Variants in CAST observed in about 807,000 individuals in gnomAD.
The protein encoded by CAST is calpastatin.
CAST carries 76 observed loss-of-function variants against 119.6 expected under a neutral mutation model. The ratio of observed to expected loss-of-function variants is 0.64; its 90% CI spans 0.53 to 0.77. The LOEUF (loss-of-function observed/expected upper bound fraction) is 0.77, where lower values mean the gene tolerates loss of function less well. CAST is among the 30% of genes least tolerant of loss of function. The probability of loss-of-function intolerance (pLI) is 0.00; values close to 1 mark genes in which losing one functional copy is unlikely to be tolerated. For missense variants in CAST, 953 were observed against 946.5 expected (o/e 1.01, Z -0.09); for synonymous variants, 319 against 331.6 (o/e 0.96, Z 0.41).
intron 20 of CAST, among the ~76,000 whole-genome samples, chr5:96,751,063 T>C (rs1764937917): frequency 6.6e-6 from 1 of 152,146 alleles, no homozygotes; most frequent in Admixed American, 6.5e-5. Flanking sequence ...TCATTATGAT[T>C]CCTCCCCACT....
At chr5:96,435,587 T>G in the CAST span, among the ~76,000 whole-genome samples, 1 of 152,352 alleles carries the variant, frequency 6.6e-6, no homozygotes, top group African/African-American at 2.4e-5. Flanking sequence ...CAGTGTTATA[T>G]TTCGTATTAT....
chr5:96,616,251 C>A (rs1358084484), intron 1 of CAST, among the ~76,000 whole-genome samples: 1 of 152,190 alleles, frequency 6.6e-6, no homozygotes, highest in African/African-American at 2.4e-5. Flanking sequence ...ACATCTCAGG[C>A]TCCAAGTGTT....
chr5:96,666,979 T>C (rs1245018145), intron 1 of CAST, among the ~76,000 whole-genome samples: 1 of 152,158 alleles, frequency 6.6e-6, no homozygotes, highest in South Asian at 2.1e-4. Context: ...GATACTAAAG[T>C]TCTGTTCTTT....
At position 96,588,488 on chromosome 5, in the gene CAST, C is replaced by T. The variant is rs77013292; in HGVS notation, c.60+58608C>T. Among the ~76,000 whole-genome samples the T allele has an allele frequency of 5.2e-3, 785 of 152,184 alleles. 7 individuals carry two copies. Among genetic ancestry groups the T allele is most frequent in the African/African-American group, 0.018 (746 of 41,516 alleles). On this transcript the variant is annotated intron_variant, in intron 1 of 11. Coordinates refer to the CAST transcript ENST00000505143. ...GTGCTGGGATTACAGGCATGAGCTA[C>T]GGTACCCGGCTTAAATTCATATTTT...
chr5:96,341,303 C>T, the CAST span, among the ~76,000 whole-genome samples: 1 of 151,944 alleles, frequency 6.6e-6, no homozygotes, highest in East Asian at 1.9e-4. Flanking sequence ...TCACAATCTC[C>T]TTTCATTCCT....
the CAST span, among the ~76,000 whole-genome samples, chr5:96,425,024 G>GAAAA: frequency 1.4e-5 from 1 of 71,616 alleles, no homozygotes; most frequent in African/African-American, 5.2e-5. Flanking sequence ...AAGAAAGAAA[G>GAAAA]AAAGAAAGAA....
the CAST span, among the ~76,000 whole-genome samples, chr5:96,271,652 GAAA>G: frequency 7.6e-6 from 1 of 131,246 alleles, no homozygotes; most frequent in South Asian, 2.5e-4. Flanking sequence ...AAACCACTAG[GAAA>G]AAAAAAAAAA....
At chr5:96,483,877 G>A in the CAST span, among the ~76,000 whole-genome samples, 1 of 152,162 alleles carries the variant, frequency 6.6e-6, no homozygotes, top group Non-Finnish European at 1.5e-5. Flanking sequence ...GTGAAGTGCT[G>A]AGTCAAGACT....
the CAST span, among the ~76,000 whole-genome samples, chr5:96,012,098 G>A: frequency 6.6e-6 from 1 of 151,918 alleles, no homozygotes; most frequent in East Asian, 1.9e-4. Context: ...TAATATACAC[G>A]GTTACTATTC....
the CAST span, among the ~76,000 whole-genome samples, chr5:96,466,759 G>T: frequency 6.6e-6 from 1 of 152,120 alleles, no homozygotes; most frequent in African/African-American, 2.4e-5. Context: ...TCTTCTTTAT[G>T]TAGAAACTTA....
chr5:96,496,612 G>T, the CAST span, among the ~76,000 whole-genome samples: 1 of 152,178 alleles, frequency 6.6e-6, no homozygotes, highest in East Asian at 1.9e-4. Context: ...TAAGACAAAT[G>T]CTGTCCAAGG....
intron 1 of CAST, among the ~76,000 whole-genome samples, chr5:96,663,554 C>T (rs922211746): frequency 2.6e-5 from 4 of 152,164 alleles, no homozygotes; most frequent in Non-Finnish European, 5.9e-5. Context: ...TCTTTTTTAA[C>T]CCCTAAGTAA....
the CAST span, among the ~76,000 whole-genome samples, chr5:96,104,236 T>A: frequency 6.6e-6 from 1 of 152,264 alleles, no homozygotes; most frequent in Admixed American, 6.5e-5. Flanking sequence ...CTCTTTAGTT[T>A]AATTACATCC....
At chr5:96,606,622 T>C (rs927140173) in intron 1 of CAST, among the ~76,000 whole-genome samples, 10 of 152,158 alleles carry the variant, frequency 6.6e-5, no homozygotes, top group African/African-American at 2.4e-4. Context: ...CAGCAAGAGG[T>C]TGGCTCGGAA....
At chr5:96,746,473 C>A (rs764915654) in intron 17 of CAST, 48 bp downstream of exon 17, 1 of 1,054,348 alleles carries the variant, frequency 9.5e-7, no homozygotes, top group South Asian at 1.3e-5. Context: ...GCCTTTGCAT[C>A]TTGTTTTGTT....
At chr5:96,355,639 C>T in the CAST span, among the ~76,000 whole-genome samples, 1 of 152,136 alleles carries the variant, frequency 6.6e-6, no homozygotes, top group Admixed American at 6.5e-5. Context: ...ATTTACACTC[C>T]CACCAACAGT....
the CAST span, among the ~76,000 whole-genome samples, chr5:96,157,477 C>T: frequency 6.6e-6 from 1 of 152,226 alleles, no homozygotes; most frequent in African/African-American, 2.4e-5. Flanking sequence ...CAAAAGTATA[C>T]TCACTGGCAC....
the CAST span, among the ~76,000 whole-genome samples, chr5:96,373,114 G>A: frequency 6.1e-3 from 932 of 152,130 alleles, 3 homozygotes; most frequent in Non-Finnish European, 9.6e-3. Context: ...CATTTGACAG[G>A]CAGGATTGTC....
intron 1 of CAST, among the ~76,000 whole-genome samples, chr5:96,633,554 T>G (rs574593178): frequency 6.6e-6 from 1 of 152,358 alleles, no homozygotes; most frequent in South Asian, 2.1e-4. Context: ...TTAGTTCCCC[T>G]AAGTGAGAAT....
Sources: allele counts gnomAD v4.1 joint callset (sites outside exome capture counted in the v4.1 genomes callset), GRCh38; gene constraint gnomAD v4.1.1; transcripts MANE v1.5; gene names NCBI Gene and HGNC (gene_info 2026-07-23, HGNC 2026-07-21).